Variants in SDC2 observed in about 807,000 individuals in gnomAD.
SDC2 encodes the protein syndecan-2.
In SDC2, 13 loss-of-function variants were observed where a neutral mutation model predicts 22.2. The ratio of observed to expected loss-of-function variants is 0.59; its 90% CI spans 0.38 to 0.93. The LOEUF is 0.93. Ranked by LOEUF, SDC2 falls within the 40% of genes least tolerant of loss-of-function variation. The pLI is 0.00. For missense variants in SDC2, 235 were observed against 246.8 expected (o/e 0.95, Z 0.32); for synonymous variants, 94 against 92.8 (o/e 1.01, Z -0.07).
At chr8:96,575,156 T>C (rs968980025) in intron 1 of SDC2, among the ~76,000 whole-genome samples, 2 of 152,180 alleles carry the variant, frequency 1.3e-5, no homozygotes, top group African/African-American at 4.8e-5. Context: ...TGGGAACCCC[T>C]GTTCTAGACA....
chr8:96,494,538 G>C (rs771569876), intron 1 of SDC2, among the ~76,000 whole-genome samples: 2 of 152,200 alleles, frequency 1.3e-5, no homozygotes, highest in Non-Finnish European at 2.9e-5. Context: ...GTTACCCCGC[G>C]GTCCGCGGGA....
intron 1 of SDC2, among the ~76,000 whole-genome samples, chr8:96,496,934 G>A (rs1813086159): frequency 6.6e-6 from 1 of 152,196 alleles, no homozygotes; most frequent in African/African-American, 2.4e-5. Context: ...GGAGCACCAG[G>A]CAAGGGGAAA....
At chr8:96,581,267 AATTTTATC>A (rs1402506917) in intron 1 of SDC2, among the ~76,000 whole-genome samples, 1 of 152,164 alleles carries the variant, frequency 6.6e-6, no homozygotes, top group Non-Finnish European at 1.5e-5. Context: ...TTAAGCATGT[AATTTTATC>A]ATTTTGCAAA....
intron 1 of SDC2, among the ~76,000 whole-genome samples, chr8:96,569,041 G>A (rs559284337): frequency 3.8e-4 from 58 of 152,314 alleles, no homozygotes; most frequent in Admixed American, 6.5e-4. Context: ...ACAAGGTCTT[G>A]CTGTTTTCCC....
intron 1 of SDC2, among the ~76,000 whole-genome samples, chr8:96,592,450 A>G (rs1465612263): frequency 2.6e-5 from 4 of 152,248 alleles, no homozygotes; most frequent in Non-Finnish European, 5.9e-5. Context: ...ATAGAGCAAT[A>G]ATGAGTGTTG....
At chr8:96,518,474 C>G (rs1467262681) in intron 1 of SDC2, among the ~76,000 whole-genome samples, 1 of 151,828 alleles carries the variant, frequency 6.6e-6, no homozygotes, top group African/African-American at 2.4e-5. Flanking sequence ...CATTCTCCTG[C>G]CTCAGCCTCC....
chr8:96,519,322 C>T (rs1394663195), intron 1 of SDC2, among the ~76,000 whole-genome samples: 1 of 152,174 alleles, frequency 6.6e-6, no homozygotes, highest in East Asian at 1.9e-4. Flanking sequence ...CCTCAAATTT[C>T]AAAGTATTAG....
intron 1 of SDC2, among the ~76,000 whole-genome samples, chr8:96,556,843 C>T (rs1309863372): frequency 1.3e-5 from 2 of 151,262 alleles, no homozygotes; most frequent in African/African-American, 2.4e-5. Flanking sequence ...AGGCAACCTA[C>T]AAAATGAGAG....
intron 1 of SDC2, among the ~76,000 whole-genome samples, chr8:96,571,151 C>T (rs558153358): frequency 2.2e-4 from 34 of 152,284 alleles, no homozygotes; most frequent in African/African-American, 4.3e-4. Flanking sequence ...AAATTGCACA[C>T]GTGGCTTGCG....
intron 2 of SDC2, among the ~76,000 whole-genome samples, chr8:96,601,963 T>C (rs1467359037): frequency 6.6e-6 from 1 of 152,094 alleles, no homozygotes; most frequent in Non-Finnish European, 1.5e-5. Flanking sequence ...TTTCACCATA[T>C]AGGCCAGGCT....
intron 3 of SDC2, among the ~76,000 whole-genome samples, chr8:96,603,200 A>G (rs1371002706): frequency 6.6e-6 from 1 of 152,230 alleles, no homozygotes. Context: ...GAACATGCAT[A>G]TTAAAGTCTG....
At chr8:96,497,365 T>G (rs1465503175) in intron 1 of SDC2, among the ~76,000 whole-genome samples, 1 of 152,210 alleles carries the variant, frequency 6.6e-6, no homozygotes, top group Non-Finnish European at 1.5e-5. Flanking sequence ...AGAAGGAGGA[T>G]GTCATTTAAG....
chr8:96,518,527 A>G (rs1813444876), intron 1 of SDC2, among the ~76,000 whole-genome samples: 1 of 151,890 alleles, frequency 6.6e-6, no homozygotes, highest in Non-Finnish European at 1.5e-5. Context: ...GGCCCGGCTA[A>G]TTTTTGTATT....
At chr8:96,501,673 A>G (rs1231407673) in intron 1 of SDC2, among the ~76,000 whole-genome samples, 2 of 152,102 alleles carry the variant, frequency 1.3e-5, no homozygotes, top group African/African-American at 4.8e-5. Context: ...AATATACAAC[A>G]TTTTAAGTCA....
chr8:96,521,652 T>C (rs1813499402), intron 1 of SDC2, among the ~76,000 whole-genome samples: 1 of 152,232 alleles, frequency 6.6e-6, no homozygotes, highest in Admixed American at 6.5e-5. Flanking sequence ...GAGTAATATG[T>C]TGCTATTTAT....
chr8:96,586,940 T>C (rs1473629937), intron 1 of SDC2, among the ~76,000 whole-genome samples: 1 of 152,220 alleles, frequency 6.6e-6, no homozygotes, highest in Admixed American at 6.5e-5. Flanking sequence ...TTTTTGTTTT[T>C]GAGATGGAGT....
chr8:96,571,813 C>T (rs912010162), intron 1 of SDC2, among the ~76,000 whole-genome samples: 1 of 152,202 alleles, frequency 6.6e-6, no homozygotes, highest in African/African-American at 2.4e-5. Flanking sequence ...TAAACTTTGT[C>T]TTTGTCAGCT....
chr8:96,595,638 C>G (rs946159968), intron 2 of SDC2, among the ~76,000 whole-genome samples: 1 of 152,078 alleles, frequency 6.6e-6, no homozygotes, highest in Admixed American at 6.6e-5. Context: ...GTGGGGTGTA[C>G]AGGTTGGCGA....
At chr8:96,547,404 A>G (rs1813951192) in intron 1 of SDC2, among the ~76,000 whole-genome samples, 1 of 152,184 alleles carries the variant, frequency 6.6e-6, no homozygotes, top group African/African-American at 2.4e-5. Context: ...ACTCAAGCTC[A>G]CCCATAAACT....
Sources: allele counts gnomAD v4.1 joint callset (sites outside exome capture counted in the v4.1 genomes callset), GRCh38; gene constraint gnomAD v4.1.1; transcripts MANE v1.5; gene names NCBI Gene and HGNC (gene_info 2026-07-23, HGNC 2026-07-21).